The following MSRA variants were observed in gnomAD, a reference collection of about 807,000 sequenced individuals.
MSRA encodes the protein mitochondrial peptide methionine sulfoxide reductase.
A neutral mutation model predicts 31.3 loss-of-function variants in MSRA; 54 were observed. The observed-to-expected ratio is 1.73, with a 90% CI of 1.39 to 2.17. The LOEUF (loss-of-function observed/expected upper bound fraction) is 2.17. Ranked by LOEUF, MSRA falls within the 30% of genes most tolerant of loss-of-function variation. The pLI is 0.00. For missense variants in MSRA, 507 were observed against 300.9 expected (o/e 1.69, Z -5.07); for synonymous variants, 169 against 116.5 (o/e 1.45, Z -2.90).
chr8:10,216,570 C>A (rs76551996), intron 2 of MSRA, among the ~76,000 whole-genome samples: 3 of 152,280 alleles, frequency 2.0e-5, no homozygotes, highest in South Asian at 4.1e-4. Context: ...CACTAAACAC[C>A]GTCTAGTCCT....
chr8:10,286,020 G>C (rs1234782293), intron 3 of MSRA, among the ~76,000 whole-genome samples: 1 of 152,092 alleles, frequency 6.6e-6, no homozygotes, highest in Admixed American at 6.6e-5. Context: ...GAGCTTCTTG[G>C]TGCAGGCATG....
intron 1 of MSRA, among the ~76,000 whole-genome samples, chr8:10,189,317 ATT>A (rs1807318888): frequency 6.6e-6 from 1 of 151,754 alleles, no homozygotes; most frequent in Non-Finnish European, 1.5e-5. Context: ...TCCTTCTTTC[ATT>A]TTTGTACGAT....
At chr8:10,313,916 T>C (rs571655967) in intron 4 of MSRA, among the ~76,000 whole-genome samples, 1 of 152,272 alleles carries the variant, frequency 6.6e-6, no homozygotes, top group South Asian at 2.1e-4. Context: ...ACTGGGGAAA[T>C]AATGGCTTCT....
At chr8:10,101,704 C>T (rs1799540076) in intron 1 of MSRA, among the ~76,000 whole-genome samples, 1 of 152,166 alleles carries the variant, frequency 6.6e-6, no homozygotes, top group Admixed American at 6.5e-5. Context: ...CATGTTTTAG[C>T]ATGTGTCAGA....
intron 3 of MSRA, among the ~76,000 whole-genome samples, chr8:10,268,326 A>G (rs1798852417): frequency 6.6e-6 from 1 of 152,222 alleles, no homozygotes; most frequent in Admixed American, 6.5e-5. Context: ...TTGGGTAGAA[A>G]GTATGTTGCT....
intron 3 of MSRA, among the ~76,000 whole-genome samples, chr8:10,283,293 A>G (rs1298136983): frequency 6.6e-6 from 1 of 152,088 alleles, no homozygotes; most frequent in African/African-American, 2.4e-5. Flanking sequence ...TCATATAAAA[A>G]TTGCACATCA....
chr8:10,390,418 A>C (rs1050511391), intron 5 of MSRA, among the ~76,000 whole-genome samples: 3 of 152,170 alleles, frequency 2.0e-5, no homozygotes, highest in African/African-American at 7.2e-5. Flanking sequence ...ATGTCTGCCC[A>C]GGCTCCCCTG....
chr8:10,101,846 C>A (rs1799548635), intron 1 of MSRA, among the ~76,000 whole-genome samples: 1 of 152,196 alleles, frequency 6.6e-6, no homozygotes. Flanking sequence ...GTGCTATGAA[C>A]ATGAGTGCAC....
intron 3 of MSRA, among the ~76,000 whole-genome samples, chr8:10,295,992 A>G (rs1343218604): frequency 1.3e-5 from 2 of 152,182 alleles, no homozygotes. Flanking sequence ...TTAATAAGAA[A>G]CTAGAAAAGA....
chr8:10,288,910 A>T (rs1243378387), intron 3 of MSRA, among the ~76,000 whole-genome samples: 2 of 152,068 alleles, frequency 1.3e-5, no homozygotes, highest in African/African-American at 2.4e-5. Flanking sequence ...GACGTGAAGT[A>T]GCTCTCTGGC....
At chr8:10,092,752 G>A (rs1033743790) in intron 1 of MSRA, among the ~76,000 whole-genome samples, 1 of 152,100 alleles carries the variant, frequency 6.6e-6, no homozygotes, top group Non-Finnish European at 1.5e-5. Flanking sequence ...CTGATCTTTT[G>A]TCTAGTTGTT....
intron 1 of MSRA, among the ~76,000 whole-genome samples, chr8:10,058,549 A>G (rs1323986321): frequency 6.6e-6 from 1 of 151,458 alleles, no homozygotes; most frequent in Non-Finnish European, 1.5e-5. Flanking sequence ...CTCTCAAAGC[A>G]TTGTCTAGTT....
intron 3 of MSRA, among the ~76,000 whole-genome samples, chr8:10,265,666 G>A (rs1406538379): frequency 1.3e-5 from 2 of 152,110 alleles, no homozygotes; most frequent in African/African-American, 4.8e-5. Flanking sequence ...TTTTGACATA[G>A]GTAGACACTG....
intron 5 of MSRA, among the ~76,000 whole-genome samples, chr8:10,368,594 G>A (rs1805300903): frequency 6.6e-6 from 1 of 152,234 alleles, no homozygotes; most frequent in South Asian, 2.1e-4. Flanking sequence ...CTAGATGCAA[G>A]TTTAAAACCG....
At chr8:10,109,660 T>TTTTAGCATTGGAA (rs1800139447) in intron 1 of MSRA, among the ~76,000 whole-genome samples, 1 of 152,198 alleles carries the variant, frequency 6.6e-6, no homozygotes, top group Non-Finnish European at 1.5e-5. Flanking sequence ...TATGATGTAT[T>TTTTAGCATTGGAA]TTTAGCATTG....
intron 5 of MSRA, among the ~76,000 whole-genome samples, chr8:10,341,092 G>C (rs1274159371): frequency 6.6e-6 from 1 of 152,226 alleles, no homozygotes; most frequent in African/African-American, 2.4e-5. Context: ...TACTGAATTA[G>C]GGTCCTTAGG....
chr8:10,393,286 G>T (rs1806881464), intron 5 of MSRA, among the ~76,000 whole-genome samples: 1 of 152,122 alleles, frequency 6.6e-6, no homozygotes, highest in Non-Finnish European at 1.5e-5. Flanking sequence ...CCTTGCCATT[G>T]GCTGGGCATG....
At chr8:10,175,198 A>G (rs1321496329) in intron 1 of MSRA, among the ~76,000 whole-genome samples, 2 of 151,896 alleles carry the variant, frequency 1.3e-5, no homozygotes, top group Non-Finnish European at 2.9e-5. Context: ...CGATGGTCAC[A>G]CTGCATCCCT....
At chr8:10,356,932 CT>C (rs1804544926) in intron 5 of MSRA, among the ~76,000 whole-genome samples, 1 of 149,144 alleles carries the variant, frequency 6.7e-6, no homozygotes, top group Non-Finnish European at 1.5e-5. Context: ...TTGAAGTCTC[CT>C]TTAAAACACG....
Sources: gnomAD v4.1 joint callset for allele counts (sites outside exome capture counted in the v4.1 genomes callset) on GRCh38, gnomAD v4.1.1 for gene constraint, MANE v1.5 for transcripts, NCBI Gene and HGNC (gene_info 2026-07-23, HGNC 2026-07-21) for gene names.